CCDC93: variants seen among roughly 807,000 people sequenced by gnomAD.
The protein encoded by CCDC93 is CCC complex scaffolding subunit CCDC93.
In CCDC93, 61 loss-of-function variants were observed where a neutral mutation model predicts 108.2. That is an observed-to-expected ratio of 0.56 (90% CI 0.46 to 0.70). CCDC93 has a LOEUF of 0.70. CCDC93 is among the 30% of genes least tolerant of loss of function. The probability of loss-of-function intolerance (pLI) is 0.00; values close to 1 mark genes in which losing one functional copy is unlikely to be tolerated. For missense variants in CCDC93, 685 were observed against 764.2 expected (o/e 0.90, Z 1.22); for synonymous variants, 276 against 260.4 (o/e 1.06, Z -0.58).
At chr2:117,959,924 T>A (rs1679334076) in intron 11 of CCDC93, among the ~76,000 whole-genome samples, 1 of 152,120 alleles carries the variant, frequency 6.6e-6, no homozygotes, top group Non-Finnish European at 1.5e-5. Flanking sequence ...TGAAAATTAT[T>A]TGAGAGTATT....
chr2:117,974,760 T>C, intron 10 of CCDC93, 90 bp downstream of exon 10: 1 of 919,002 alleles, frequency 1.1e-6, no homozygotes, highest in Non-Finnish European at 1.7e-6. Context: ...GAGAGGCAGC[T>C]CCGGAGAAGG....
chr2:117,992,476 T>G (rs906728723), intron 6 of CCDC93, among the ~76,000 whole-genome samples: 1 of 152,148 alleles, frequency 6.6e-6, no homozygotes, highest in Non-Finnish European at 1.5e-5. Context: ...ACTCCTGGGC[T>G]CAAGCGATCT....
chr2:118,008,753 G>A (rs892154683), intron 1 of CCDC93, 95 bp from the exon 2 acceptor site: 5 of 737,924 alleles, frequency 6.8e-6, no homozygotes, highest in Non-Finnish European at 1.2e-5. Flanking sequence ...TTGCCAAGGA[G>A]TAGATGACAT....
intron 13 of CCDC93, among the ~76,000 whole-genome samples, chr2:117,952,095 G>A (rs1366798286): frequency 1.3e-5 from 2 of 151,808 alleles, no homozygotes; most frequent in African/African-American, 4.8e-5. Context: ...AGCCTATCAG[G>A]CTCACCTTCC....
chr2:117,972,921 T>G (rs1679810039), intron 11 of CCDC93, among the ~76,000 whole-genome samples: 1 of 152,116 alleles, frequency 6.6e-6, no homozygotes, highest in South Asian at 2.1e-4. Context: ...AAACACTTAC[T>G]TGGGGGAGTG....
At chr2:117,979,758 C>T (rs1161579423) in intron 7 of CCDC93, among the ~76,000 whole-genome samples, 1 of 152,158 alleles carries the variant, frequency 6.6e-6, no homozygotes, top group African/African-American at 2.4e-5. Context: ...CACACGAATT[C>T]TGTAAAGGAC....
chr2:117,990,398 G>A (rs1680441079), intron 6 of CCDC93, among the ~76,000 whole-genome samples: 1 of 152,178 alleles, frequency 6.6e-6, no homozygotes. Flanking sequence ...CAGGTACTGG[G>A]AATAATCTCC....
chr2:117,936,865 A>C, intron 20 of CCDC93, 126 bp from the exon 21 acceptor site: 2 of 748,312 alleles, frequency 2.7e-6, no homozygotes, highest in Non-Finnish European at 4.8e-6. Flanking sequence ...TTGTTTATGA[A>C]GATTAAAGTA....
chr2:117,948,644 G>A (rs1459827626), intron 14 of CCDC93, among the ~76,000 whole-genome samples: 1 of 152,164 alleles, frequency 6.6e-6, no homozygotes, highest in African/African-American at 2.4e-5. Context: ...ATGAAACAAA[G>A]GTTTCTAATT....
intron 3 of CCDC93, among the ~76,000 whole-genome samples, chr2:118,002,402 C>T (rs977847115): frequency 6.6e-6 from 1 of 152,206 alleles, no homozygotes; most frequent in African/African-American, 2.4e-5. Context: ...AACTAGGTGA[C>T]CTAGGAACTA....
intron 23 of CCDC93, among the ~76,000 whole-genome samples, chr2:117,928,597 A>C (rs1340136436): frequency 1.3e-5 from 2 of 152,224 alleles, no homozygotes; most frequent in Non-Finnish European, 2.9e-5. Context: ...AATCATTAAA[A>C]AGTCAGGAAA....
chr2:117,920,284 T>G lies in CCDC93; in HGVS notation c.*59A>C. The G allele has an allele frequency of 1.8e-6, 2 of 1,114,198 alleles. No homozygotes were observed. Among genetic ancestry groups the G allele is most frequent in the Non-Finnish European group, 2.7e-6 (2 of 735,954 alleles). The allele number at this position is 1,114,198 out of a possible 1,614,324, so 69.0% of individuals were successfully genotyped here. On this transcript the variant is annotated 3_prime_UTR_variant, in exon 24 of 24. Coordinates refer to ENST00000376300, the MANE Select transcript of CCDC93 (RefSeq NM_019044.5). ...CTTTCAGAACCATTTCATGATCTTGTAGGTGATATACGGTGCTTAAAAGTA... is the reference window on the plus strand; with the variant it reads ...CTTTCAGAACCATTTCATGATCTTGGAGGTGATATACGGTGCTTAAAAGTA...
At chr2:117,981,795 C>T (rs1680125135) in intron 7 of CCDC93, among the ~76,000 whole-genome samples, 1 of 152,174 alleles carries the variant, frequency 6.6e-6, no homozygotes, top group African/African-American at 2.4e-5. Flanking sequence ...ACACTAGTCG[C>T]ATTTCAATTG....
At chr2:117,975,773 G>A (rs961395141) in intron 8 of CCDC93, among the ~76,000 whole-genome samples, 10 of 152,186 alleles carry the variant, frequency 6.6e-5, no homozygotes, top group African/African-American at 9.7e-5. Flanking sequence ...GGGTATTAGT[G>A]TGTGTGTACT....
chr2:117,975,656 G>A (rs1420438329), intron 8 of CCDC93, among the ~76,000 whole-genome samples: 1 of 152,208 alleles, frequency 6.6e-6, no homozygotes, highest in Admixed American at 6.5e-5. Context: ...GGACATAAAA[G>A]TAATTTGGCA....
At chr2:117,926,216 A>G (rs1160891390) in intron 23 of CCDC93, among the ~76,000 whole-genome samples, 3 of 152,224 alleles carry the variant, frequency 2.0e-5, no homozygotes, top group Non-Finnish European at 4.4e-5. Context: ...GAACTAGAGA[A>G]GCAAGAGCAA....
chr2:117,988,995 T>C (rs377718023), intron 6 of CCDC93, among the ~76,000 whole-genome samples: 111 of 152,326 alleles, frequency 7.3e-4, no homozygotes, highest in African/African-American at 2.5e-3. Flanking sequence ...GTTATATAAA[T>C]GAGCTAAAGA....
intron 18 of CCDC93, among the ~76,000 whole-genome samples, chr2:117,943,622 A>T (rs1397627648): frequency 6.6e-6 from 1 of 152,226 alleles, no homozygotes; most frequent in African/African-American, 2.4e-5. Flanking sequence ...CCAGCAATGT[A>T]GGGGATTTTA....
chr2:117,955,238 G>A (rs559725895), intron 12 of CCDC93, among the ~76,000 whole-genome samples: 5 of 152,244 alleles, frequency 3.3e-5, no homozygotes, highest in South Asian at 2.1e-4. Context: ...GATAGAATAC[G>A]TGAAATAAAA....
Sources: gnomAD v4.1 joint callset for allele counts (sites outside exome capture counted in the v4.1 genomes callset) on GRCh38, gnomAD v4.1.1 for gene constraint, MANE v1.5 for transcripts, NCBI Gene and HGNC (gene_info 2026-07-23, HGNC 2026-07-21) for gene names.